Variants in CTSH observed in about 807,000 individuals in gnomAD.
The protein encoded by CTSH is pro-cathepsin H.
In CTSH, 52 loss-of-function variants were observed where a neutral mutation model predicts 56.3. The observed-to-expected ratio is 0.92, with a 90% CI of 0.74 to 1.16. The LOEUF (loss-of-function observed/expected upper bound fraction) is 1.16. CTSH is among the 50% of genes most tolerant of loss of function. CTSH has a pLI of 0.00. For synonymous variants in CTSH, 174 were observed against 155.7 expected (o/e 1.12, Z -0.88); for missense variants, 406 against 424.5 (o/e 0.96, Z 0.38).
intron 1 of CTSH, among the ~76,000 whole-genome samples, chr15:78,942,516 C>T (rs1047111257): frequency 6.6e-6 from 1 of 152,174 alleles, no homozygotes; most frequent in East Asian, 1.9e-4. Context: ...CCTGGCCTCA[C>T]TCAACATTAT....
rs751053820 is a variant in CTSH, at chr15:78,922,219, G to A, written c.933-14C>T. Reference sequence around the variant, plus strand: ...ATGAGGAAGTACCTGGGCAGAAAGAGGAGCTGAGGCCCGGCCGGCGGTCTC... The same window carrying A: ...ATGAGGAAGTACCTGGGCAGAAAGAAGAGCTGAGGCCCGGCCGGCGGTCTC... On this transcript the variant is annotated splice_polypyrimidine_tract_variant and intron_variant, in intron 11 of 11. Transcript: ENST00000220166. 2.6e-6 allele frequency: 4 copies of A among 1,565,294 alleles called. No individual in the cohort carries two copies. In the South Asian group the frequency reaches 3.5e-5, roughly 14 times the overall value.
At chr15:78,929,525 G>A in intron 7 of CTSH, 32 bp from the exon 8 acceptor site, 1 of 1,524,400 alleles carries the variant, frequency 6.6e-7, no homozygotes, top group Middle Eastern at 1.7e-4. Flanking sequence ...GAGCCCACCT[G>A]GGGCTGTCCT....
chr15:78,944,752 A>G, intron 1 of CTSH, 139 bp downstream of exon 1: 4 of 1,334,742 alleles, frequency 3.0e-6, no homozygotes, highest in Non-Finnish European at 3.9e-6. Context: ...TCCCCGTGCC[A>G]GCACGCAGAG....
At chr15:78,926,521 C>T (rs906478860) in intron 9 of CTSH, 3 of 152,254 alleles carry the variant, frequency 2.0e-5, no homozygotes, top group Non-Finnish European at 4.4e-5. Flanking sequence ...TGAGGCTCTC[C>T]TGGGGACCAT....
chr15:78,929,619 C>T (rs907630134), intron 7 of CTSH, 126 bp from the exon 8 acceptor site: 2 of 601,804 alleles, frequency 3.3e-6, no homozygotes, highest in African/African-American at 1.9e-5. Flanking sequence ...GTCCCAGTGG[C>T]AGAGGGGGTC....
At chr15:78,925,121 C>T (rs905475754) in intron 10 of CTSH, among the ~76,000 whole-genome samples, 1 of 152,232 alleles carries the variant, frequency 6.6e-6, no homozygotes, top group Non-Finnish European at 1.5e-5. Flanking sequence ...GACCACCTCT[C>T]CTTTGCTGTG....
rs1277292802 is a variant in CTSH, at chr15:78,922,210, G to C, written c.933-5C>G. 2.5e-6 allele frequency: 4 copies of C among 1,570,270 alleles called. No homozygotes were observed. The highest frequency in any genetic ancestry group is 3.5e-6 in the Non-Finnish European group (4 of 1,158,014). On this transcript the variant is annotated splice_region_variant and splice_polypyrimidine_tract_variant and intron_variant, in intron 11 of 11. Transcript: ENST00000220166. ...CCGCGCTCGATGAGGAAGTACCTGG[G>C]CAGAAAGAGGAGCTGAGGCCCGGCC...
chr15:78,943,537 C>G (rs1342552783), intron 1 of CTSH, among the ~76,000 whole-genome samples: 1 of 152,180 alleles, frequency 6.6e-6, no homozygotes, highest in Non-Finnish European at 1.5e-5. Flanking sequence ...GTCCCTGACT[C>G]CTGTTTTAGT....
intron 1 of CTSH, 165 bp downstream of exon 1, chr15:78,944,726 T>A: frequency 3.1e-6 from 4 of 1,279,578 alleles, no homozygotes; most frequent in Non-Finnish European, 4.0e-6. Context: ...CCCCCGCCTA[T>A]AATGCAGTTT....
chr15:78,922,387 C>A (rs2054790377), intron 11 of CTSH, among the ~76,000 whole-genome samples, 182 bp from the exon 12 acceptor site: 1 of 152,198 alleles, frequency 6.6e-6, no homozygotes, highest in Admixed American at 6.5e-5. Flanking sequence ...GTGAAGAATT[C>A]ATTCTTCCCT....
rs1364054759 is a variant in CTSH at position 78,923,210 on chromosome 15, G to A, written c.807-92C>T. The stretch of plus-strand genomic sequence containing the variant: ...ACAACGCCTCTTTGAGCGCTTTAGA[G>A]CAATGTTCCCCACAGCGGACCAGGG... On this transcript the variant is annotated intron_variant, in intron 10 of 11. Transcript: ENST00000220166. 4.8e-6 allele frequency: 7 copies of A among 1,449,840 alleles called. No homozygotes were observed. The Admixed American group carries it at 1.3e-4, about 28-fold the overall frequency. 89.8% of individuals were successfully genotyped at this position (1,449,840 alleles called of 1,614,324 possible). A position where few individuals can be genotyped will look rare whatever the true frequency, so the allele number is the denominator to read the frequency against.
At chr15:78,937,146 C>T (rs1029335967) in intron 3 of CTSH, 172 bp downstream of exon 3, 5 of 604,192 alleles carry the variant, frequency 8.3e-6, no homozygotes, top group East Asian at 2.8e-5. Context: ...CCCAAATTTA[C>T]GATCCCACAT....
intron 2 of CTSH, 44 bp downstream of exon 2, chr15:78,939,096 T>C: frequency 6.4e-7 from 1 of 1,553,650 alleles, no homozygotes; most frequent in Non-Finnish European, 8.8e-7. Flanking sequence ...AACAGGAAAC[T>C]TTGTGAAATG....
At chr15:78,931,968 A>G in intron 6 of CTSH, 1 of 1,149,950 alleles carries the variant, frequency 8.7e-7, no homozygotes, top group Non-Finnish European at 1.1e-6. Context: ...CTTCAGGGGC[A>G]TCATCCGTCT....
At chr15:78,943,200 A>G (rs1347352449) in intron 1 of CTSH, among the ~76,000 whole-genome samples, 1 of 152,196 alleles carries the variant, frequency 6.6e-6, no homozygotes, top group African/African-American at 2.4e-5. Flanking sequence ...TAAAAGTGCC[A>G]TAATACCTTG....
intron 11 of CTSH, among the ~76,000 whole-genome samples, chr15:78,922,704 C>T (rs529848235): frequency 6.6e-6 from 1 of 152,232 alleles, no homozygotes; most frequent in Non-Finnish European, 1.5e-5. Flanking sequence ...GATTTCGTGC[C>T]AGCAGAGTTC....
chr15:78,940,058 T>C (rs909087309), intron 1 of CTSH, among the ~76,000 whole-genome samples: 3 of 152,144 alleles, frequency 2.0e-5, no homozygotes, highest in African/African-American at 4.8e-5. Flanking sequence ...CATTAATGGG[T>C]AGGACTGCGT....
At chr15:78,935,141 CAACAAGAAGAAGAAATGTATA>C in intron 4 of CTSH, 59 bp from the exon 5 acceptor site, 1 of 1,155,374 alleles carries the variant, frequency 8.7e-7, no homozygotes, top group Non-Finnish European at 1.3e-6. Flanking sequence ...ACCTTTCTGA[CAACAAGAAGAAGAAATGTATA>C]AACATGGAAT....
intron 8 of CTSH, 57 bp from the exon 9 acceptor site, chr15:78,927,838 C>T: frequency 1.4e-6 from 2 of 1,416,262 alleles, no homozygotes; most frequent in Non-Finnish European, 2.0e-6. Flanking sequence ...TCTCAGCCTC[C>T]CCACGCAGTT....
Sources: allele counts gnomAD v4.1 joint callset (sites outside exome capture counted in the v4.1 genomes callset), GRCh38; gene constraint gnomAD v4.1.1; transcripts MANE v1.5; gene names NCBI Gene and HGNC (gene_info 2026-07-23, HGNC 2026-07-21).